The following ZNF721 variants were observed in gnomAD, a reference collection of about 807,000 sequenced individuals.
ZNF721 encodes the protein zinc finger protein 721.
In ZNF721, 2 loss-of-function variants were observed where a neutral mutation model predicts 2.4. That is an observed-to-expected ratio of 0.82 (90% CI 0.34 to 2.58). The LOEUF is 2.58. Ranked by LOEUF, ZNF721 falls within the 30% of genes most tolerant of loss-of-function variation. ZNF721 has a pLI of 0.11. For missense variants in ZNF721, 1,187 were observed against 1,085.5 expected (o/e 1.09, Z -1.31); for synonymous variants, 398 against 381.8 (o/e 1.04, Z -0.50).
At chr4:478,662 G>C (rs1553868949) in intron 1 of ZNF721, among the ~76,000 whole-genome samples, 1 of 152,096 alleles carries the variant, frequency 6.6e-6, no homozygotes, top group African/African-American at 2.4e-5. Flanking sequence ...TTTGATTTTG[G>C]AATAATACTG....
chr4:456,406 T>C (rs1192220300), intron 2 of ZNF721, among the ~76,000 whole-genome samples: 18 of 143,186 alleles, frequency 1.3e-4, no homozygotes, highest in Admixed American at 1.2e-3. Context: ...GTAAGGGCAA[T>C]ATTTATAAAG....
intron 1 of ZNF721, among the ~76,000 whole-genome samples, chr4:487,547 G>A (rs1553870703): frequency 1.3e-5 from 2 of 152,154 alleles, no homozygotes; most frequent in African/African-American, 4.8e-5. Context: ...TGTTTGTTAT[G>A]CAGTTATAGC....
chr4:442,184 C>G lies in ZNF721; in HGVS notation c.2283G>C (p.Val761=). ...KLYKCKECGK[V]FKQSSHLNRH... ...TATTCAGGTGTGAGGACTGTTTAAACACTTTCCCACATTCTTTACATTTGT... is the reference window on the plus strand; with the variant it reads ...TATTCAGGTGTGAGGACTGTTTAAAGACTTTCCCACATTCTTTACATTTGT... Residue 761 remains valine, a synonymous_variant, in exon 3 of 3, where the codon GTG becomes GTC. Coordinates refer to ENST00000511833, the MANE Select transcript of ZNF721 (RefSeq NM_133474.4). 7 of 1,612,068 alleles carry G rather than the reference C, an allele frequency of 4.3e-6. No homozygotes were observed. The highest frequency in any genetic ancestry group is 5.9e-6 in the Non-Finnish European group (7 of 1,178,704).
chr4:481,575 CTTTT>C (rs77613258), intron 1 of ZNF721, among the ~76,000 whole-genome samples: 3 of 142,830 alleles, frequency 2.1e-5, no homozygotes, highest in African/African-American at 5.1e-5. Context: ...TCTTTTCTTT[CTTTT>C]TTTTTTTTTT....
chr4:485,771 C>G (rs1324956033), intron 1 of ZNF721, among the ~76,000 whole-genome samples: 2 of 152,044 alleles, frequency 1.3e-5, no homozygotes, highest in Non-Finnish European at 2.9e-5. Flanking sequence ...GTCAAGAGAT[C>G]GAGACCATCC....
rs1280942808 is a variant in ZNF721, at chr4:442,575, T to G, written c.1892A>C (p.Gln631Pro). Residue 631 changes from glutamine (Q) to proline (P), a missense_variant, in exon 3 of 3, where the codon CAG becomes CCG. Gln to Pro is a moderately conservative substitution (Grantham distance 76). Coordinates refer to ENST00000511833, the MANE Select transcript of ZNF721 (RefSeq NM_133474.4). Reference sequence around the variant, plus strand: ...TTTCTCCCCAGTGTAAATTTTCTTCTGTTGATTCAGGTCCGTGTACCATAC... The same window carrying G: ...TTTCTCCCCAGTGTAAATTTTCTTCGGTTGATTCAGGTCCGTGTACCATAC... Reference protein sequence around the residue: ...DFVWYTDLNQQKKIYTGEKPY... With the variant: ...DFVWYTDLNQPKKIYTGEKPY... 6.2e-6 allele frequency: 10 copies of G among 1,613,840 alleles called. No individual in the cohort carries two copies. The highest frequency in any genetic ancestry group is 8.5e-6 in the Non-Finnish European group (10 of 1,179,876).
chr4:459,637 G>A (rs1351638391), intron 2 of ZNF721, among the ~76,000 whole-genome samples: 7 of 151,976 alleles, frequency 4.6e-5, no homozygotes, highest in Admixed American at 1.3e-4. Flanking sequence ...AAGACCATCC[G>A]TGGTTAACAT....
intron 1 of ZNF721, among the ~76,000 whole-genome samples, chr4:480,354 G>A (rs1458334819): frequency 3.9e-5 from 6 of 152,142 alleles, no homozygotes; most frequent in Non-Finnish European, 8.8e-5. Context: ...TTTGAATTTA[G>A]GAACACTTTC....
rs1553863148 is a variant in ZNF721, at chr4:441,750, G to T, written c.2717C>A (p.Ala906Glu). ...AATTTTCTTATGTGCATAAAGATTT[G>T]CAGACTGTCTAAAGGTTTTGCCACA... ...GDCGKTFRQS[A>E]NLYAHKKIHT... The change falls in exon 3 of 3, where the codon GCA becomes GAA. Residue 906 changes from alanine to glutamate, a missense_variant. Coordinates refer to ENST00000511833, the MANE Select transcript of ZNF721 (RefSeq NM_133474.4). 1 of 1,612,976 alleles carries T rather than the reference G, an allele frequency of 6.2e-7. No homozygotes were observed. Among genetic ancestry groups the T allele is most frequent in the African/African-American group, 1.3e-5 (1 of 74,782 alleles).
At chr4:445,823 T>C (rs957964129) in intron 2 of ZNF721, among the ~76,000 whole-genome samples, 3 of 152,068 alleles carry the variant, frequency 2.0e-5, no homozygotes, top group African/African-American at 7.2e-5. Context: ...TGAGCAAAGT[T>C]TGAAAAATCA....
chr4:444,275 T>A lies in ZNF721; in HGVS notation c.192A>T (p.Gly64=), dbSNP rs782140635. 4.3e-6 allele frequency: 7 copies of A among 1,613,994 alleles called. No individual in the cohort carries two copies. Among genetic ancestry groups the A allele is most frequent in the Non-Finnish European group, 5.9e-6 (7 of 1,179,918 alleles). ...KSMNVCKVQK[G]VYNGINKCLS... is the part of the protein sequence containing the mutation. ...AGCATTTATTAATTCCATTATAAAC[T>A]CCCTTCTGCACTTTACACACGTTCA... Residue 64 remains glycine (G), a synonymous_variant, in exon 3 of 3, where the codon GGA becomes GGT. Coordinates refer to ENST00000511833, the MANE Select transcript of ZNF721 (RefSeq NM_133474.4).
intron 1 of ZNF721, among the ~76,000 whole-genome samples, chr4:493,565 G>A (rs1192929423): frequency 1.3e-5 from 2 of 152,026 alleles, no homozygotes; most frequent in Non-Finnish European, 2.9e-5. Flanking sequence ...TATAGTCCCA[G>A]CTACTCAGGA....
At chr4:463,606 G>T (rs1177445026) in intron 2 of ZNF721, among the ~76,000 whole-genome samples, 1 of 152,146 alleles carries the variant, frequency 6.6e-6, no homozygotes, top group African/African-American at 2.4e-5. Context: ...GTCCTATGCA[G>T]GGACATGGAT....
intron 1 of ZNF721, among the ~76,000 whole-genome samples, chr4:482,730 C>G (rs546986004): frequency 6.8e-6 from 1 of 147,912 alleles, no homozygotes; most frequent in African/African-American, 2.5e-5. Flanking sequence ...CTCTTGACCT[C>G]GGGATCTACC....
chr4:481,703 A>G (rs1187349302), intron 1 of ZNF721, among the ~76,000 whole-genome samples: 1 of 152,040 alleles, frequency 6.6e-6, no homozygotes, highest in Non-Finnish European at 1.5e-5. Context: ...GTTAACATCC[A>G]TTCCATTATC....
rs782475086 is a variant in ZNF721, at chr4:441,819, T to A, written c.2648A>T (p.His883Leu). 6.2e-7 allele frequency: 1 copy of A among 1,614,034 alleles called. No homozygotes were observed. Among genetic ancestry groups the A allele is most frequent in the East Asian group, 2.2e-5 (1 of 44,866 alleles). Residue 883 changes from histidine to leucine, a missense_variant, in exon 3 of 3, where the codon CAT (histidine) becomes CTT (leucine). His to Leu is a moderately conservative substitution (Grantham distance 99). Transcript: ENST00000511833. Reference protein sequence around the residue: ...TFRQSANLYAHKKIHTGEKPY... With the variant: ...TFRQSANLYALKKIHTGEKPY... ...TTTCTCTCCAGTATGAATTTTCTTATGCGCATAAAGATTTGCAGACTGTCT... is the reference window on the plus strand; with the variant it reads ...TTTCTCTCCAGTATGAATTTTCTTAAGCGCATAAAGATTTGCAGACTGTCT...
chr4:485,997 A>AATAG (rs200853635), intron 1 of ZNF721, among the ~76,000 whole-genome samples: 1 of 151,832 alleles, frequency 6.6e-6, no homozygotes, highest in Non-Finnish European at 1.5e-5. Flanking sequence ...TAAATAAATA[A>AATAG]ATAGATAGAT....
chr4:468,093 C>G (rs1715312546), intron 2 of ZNF721, among the ~76,000 whole-genome samples: 1 of 152,150 alleles, frequency 6.6e-6, no homozygotes, highest in Admixed American at 6.6e-5. Flanking sequence ...CGGTGAAACC[C>G]TGTCTCTATT....
intron 1 of ZNF721, among the ~76,000 whole-genome samples, chr4:474,444 A>G (rs952126189): frequency 2.0e-5 from 3 of 152,180 alleles, no homozygotes; most frequent in Non-Finnish European, 4.4e-5. Flanking sequence ...GCGCGCGCGC[A>G]CACACACAGA....
Sources: gnomAD v4.1 joint callset for allele counts (sites outside exome capture counted in the v4.1 genomes callset) on GRCh38, gnomAD v4.1.1 for gene constraint, MANE v1.5 for transcripts, NCBI Gene and HGNC (gene_info 2026-07-23, HGNC 2026-07-21) for gene names.